The following PATJ variants were observed in gnomAD, a reference collection of about 807,000 sequenced individuals.
The protein encoded by PATJ is inaD-like protein.
Under a neutral mutation model 224.9 loss-of-function variants are expected in PATJ, and 190 were observed. That is an observed-to-expected ratio of 0.84 (90% CI 0.75 to 0.95). PATJ has a LOEUF of 0.95. Ranked by LOEUF, PATJ falls within the 40% of genes least tolerant of loss-of-function variation. The pLI is 0.00. For missense variants in PATJ, 2,121 were observed against 2,270.3 expected, an observed-to-expected ratio of 0.93 and a Z score of 1.34; for synonymous variants, 769 against 820.3, an observed-to-expected ratio of 0.94 and a Z score of 1.07.
chr1:62,114,239 G>T lies in PATJ; in HGVS notation c.4648G>T (p.Gly1550Trp). 6.2e-7 allele frequency: 1 copy of T among 1,613,906 alleles called. No homozygotes were observed. Among genetic ancestry groups the T allele is most frequent in the Non-Finnish European group, 8.5e-7 (1 of 1,179,922 alleles). ...AGRGLGLSIV[G>W]KRNGSGVFIS... The stretch of plus-strand genomic sequence containing the variant: ...CCGGGGCCTGGGCCTGAGCATCGTT[G>T]GGAAACGGTAAAGACGTGCTGTGGG... Residue 1550 changes from glycine to tryptophan, a missense_variant, in exon 35 of 44, where the codon GGG (glycine) becomes TGG (tryptophan). Physicochemically the swap from Gly to Trp is radical, Grantham distance 184. Coordinates refer to ENST00000642238, the MANE Select transcript of PATJ (RefSeq NM_001350145.3).
At chr1:62,017,252 A>G (rs1646818808) in intron 28 of PATJ, among the ~76,000 whole-genome samples, 1 of 152,044 alleles carries the variant, frequency 6.6e-6, no homozygotes, top group South Asian at 2.1e-4. Flanking sequence ...CATCTCTACT[A>G]AAAATACAAA....
intron 17 of PATJ, among the ~76,000 whole-genome samples, chr1:61,837,411 G>T (rs948825502): frequency 1.3e-5 from 2 of 152,130 alleles, no homozygotes; most frequent in African/African-American, 4.8e-5. Context: ...CTAAAATGCA[G>T]CCAATTCTTG....
chr1:62,114,260 G>A lies in PATJ; in HGVS notation c.4655+14G>A. The A allele has an allele frequency of 6.2e-7, 1 of 1,612,070 alleles. No homozygotes were observed. The highest frequency in any genetic ancestry group is 8.5e-7 in the Non-Finnish European group (1 of 1,178,934). On this transcript the variant is annotated intron_variant, in intron 35 of 43. Transcript: ENST00000642238. ...CGTTGGGAAACGGTAAAGACGTGCT[G>A]TGGGAGTTGGGATCTGCCTTTTTCA...
chr1:62,049,662 T>C (rs1173699740), intron 30 of PATJ, among the ~76,000 whole-genome samples: 3 of 152,224 alleles, frequency 2.0e-5, no homozygotes, highest in Non-Finnish European at 4.4e-5. Context: ...CACAATTCAA[T>C]TGAGGAGATG....
intron 27 of PATJ, 138 bp downstream of exon 27, chr1:61,927,967 C>T: frequency 1.6e-6 from 1 of 619,384 alleles, no homozygotes; most frequent in Non-Finnish European, 2.7e-6. Flanking sequence ...CAAATCTATA[C>T]CTTTGAAGCT....
At chr1:61,862,080 C>G (rs1054780257) in intron 19 of PATJ, among the ~76,000 whole-genome samples, 1 of 152,116 alleles carries the variant, frequency 6.6e-6, no homozygotes, top group African/African-American at 2.4e-5. Flanking sequence ...CCAGGCTGGT[C>G]TTGAACCCCT....
At chr1:61,835,147 A>G (rs1659962834) in intron 17 of PATJ, among the ~76,000 whole-genome samples, 1 of 152,222 alleles carries the variant, frequency 6.6e-6, no homozygotes, top group Non-Finnish European at 1.5e-5. Context: ...TCTTTGGAAT[A>G]TTACTGAATG....
chr1:61,812,558 C>CA (rs1655094148), intron 14 of PATJ, among the ~76,000 whole-genome samples: 1 of 147,934 alleles, frequency 6.8e-6, no homozygotes, highest in Non-Finnish European at 1.5e-5. Flanking sequence ...ACTTTTAAGA[C>CA]ACAGTCTTGG....
chr1:62,158,645 G>T (rs185681579), intron 43 of PATJ, among the ~76,000 whole-genome samples: 2 of 135,902 alleles, frequency 1.5e-5, no homozygotes, highest in African/African-American at 5.0e-5. Flanking sequence ...GGTGTGAACC[G>T]GCGAGGCAGA....
At chr1:61,776,489 A>G (rs1448962132) in intron 7 of PATJ, among the ~76,000 whole-genome samples, 3 of 152,300 alleles carry the variant, frequency 2.0e-5, no homozygotes, top group African/African-American at 7.2e-5. Flanking sequence ...TTTTACTTGA[A>G]TTTTTTTAAG....
chr1:61,761,774 C>T (rs947904483), intron 1 of PATJ, among the ~76,000 whole-genome samples: 9 of 151,946 alleles, frequency 5.9e-5, no homozygotes, highest in African/African-American at 2.2e-4. Context: ...CAGCCTCAAC[C>T]TCTTGGGCTC....
chr1:62,013,592 T>G, intron 28 of PATJ: 1 of 804,284 alleles, frequency 1.2e-6, no homozygotes, highest in Non-Finnish European at 1.5e-6. Context: ...CCATGTTGTG[T>G]TGTGGTATAA....
chr1:62,128,555 T>C, intron 40 of PATJ: 1 of 384,620 alleles, frequency 2.6e-6, no homozygotes. Flanking sequence ...ACTTCGCTTT[T>C]ACTGGCAAAT....
chr1:61,817,708 A>ACAT (rs1428550716), intron 14 of PATJ, among the ~76,000 whole-genome samples: 4 of 152,178 alleles, frequency 2.6e-5, no homozygotes, highest in Admixed American at 1.3e-4. Context: ...AGAAAAACAA[A>ACAT]ACATAAATGA....
chr1:61,752,659 A>C (rs910848419), intron 1 of PATJ, among the ~76,000 whole-genome samples: 9 of 152,222 alleles, frequency 5.9e-5, no homozygotes, highest in Admixed American at 2.0e-4. Flanking sequence ...ATTTATGTTC[A>C]TTGAAGCACT....
At position 61,766,455 on chromosome 1, in the gene PATJ, C is replaced by A; in HGVS notation, c.366C>A (p.Val122=). The A allele has an allele frequency of 6.3e-7, 1 of 1,598,148 alleles. No homozygotes were observed. Among genetic ancestry groups the A allele is most frequent in the South Asian group, 1.2e-5 (1 of 86,860 alleles). The change falls in exon 4 of 44, where the codon GTC becomes GTA. Residue 122 remains valine (V), a synonymous_variant. Transcript: ENST00000642238. ...TGGGAAATGAAGACTTTAACTCAGT[C>A]ATTCAACAGATGGCTCAGGTAAAGT... ...PKLGNEDFNS[V]IQQMAQGRQI...
At chr1:62,096,010 T>C (rs1237831854) in intron 33 of PATJ, among the ~76,000 whole-genome samples, 3 of 152,192 alleles carry the variant, frequency 2.0e-5, no homozygotes, top group Non-Finnish European at 4.4e-5. Flanking sequence ...ATCCTCGTCT[T>C]CTTGTACTTA....
At chr1:61,780,253 C>T (rs1346179292) in intron 7 of PATJ, among the ~76,000 whole-genome samples, 3 of 152,230 alleles carry the variant, frequency 2.0e-5, no homozygotes, top group East Asian at 1.9e-4. Context: ...CACTTGAGGT[C>T]AGGAGTTCGA....
chr1:61,983,529 T>G (rs1439260902), intron 27 of PATJ, among the ~76,000 whole-genome samples: 1 of 152,088 alleles, frequency 6.6e-6, no homozygotes, highest in East Asian at 1.9e-4. Context: ...ATAATTATCT[T>G]TGAGAAAAAA....
Sources: gnomAD v4.1 joint callset for allele counts (sites outside exome capture counted in the v4.1 genomes callset) on GRCh38, gnomAD v4.1.1 for gene constraint, MANE v1.5 for transcripts, NCBI Gene and HGNC (gene_info 2026-07-23, HGNC 2026-07-21) for gene names.